Variants in RBFOX1 observed in about 807,000 individuals in gnomAD.
RBFOX1 encodes RNA binding fox-1 homolog 1, also known as RNA binding protein fox-1 homolog 1.
RBFOX1 carries 8 observed loss-of-function variants against 57.7 expected under a neutral mutation model. The ratio of observed to expected loss-of-function variants is 0.14; its 90% CI spans 0.08 to 0.25. RBFOX1 has a LOEUF of 0.25. Ranked by LOEUF, RBFOX1 falls within the 10% of genes least tolerant of loss-of-function variation. The pLI is 1.00. For missense variants in RBFOX1, 611 were observed against 548.5 expected, an observed-to-expected ratio of 1.11 and a Z score of -1.14; for synonymous variants, 326 against 222.4, an observed-to-expected ratio of 1.47 and a Z score of -4.15.
intron 4 of RBFOX1, among the ~76,000 whole-genome samples, chr16:5,996,335 A>AC (rs745810422): frequency 3.9e-5 from 6 of 151,998 alleles, no homozygotes; most frequent in Non-Finnish European, 8.8e-5. Context: ...CTGATTTGAA[A>AC]CCCATGAGAA....
chr16:6,116,076 A>G (rs1254524147), intron 1 of RBFOX1, among the ~76,000 whole-genome samples: 1 of 152,202 alleles, frequency 6.6e-6, no homozygotes, highest in African/African-American at 2.4e-5. Context: ...TACACCATAG[A>G]ATGCTATGCA....
chr16:6,801,330 A>G (rs2085392221), intron 3 of RBFOX1, among the ~76,000 whole-genome samples: 2 of 152,184 alleles, frequency 1.3e-5, no homozygotes, highest in Admixed American at 1.3e-4. Context: ...AGAACCATAC[A>G]AGGCTCTTGG....
intron 1 of RBFOX1, among the ~76,000 whole-genome samples, chr16:6,282,685 C>G (rs1459248205): frequency 1.3e-5 from 2 of 152,052 alleles, no homozygotes; most frequent in Non-Finnish European, 1.5e-5. Flanking sequence ...TGGTTTCCAG[C>G]TTCATCCATG....
intron 2 of RBFOX1, among the ~76,000 whole-genome samples, chr16:6,452,857 G>T (rs1008581): frequency 6.6e-6 from 1 of 152,004 alleles, no homozygotes; most frequent in African/African-American, 2.4e-5. Context: ...CCCTAGGGGG[G>T]TCCTGAGTAG....
chr16:6,563,080 C>T (rs1433246766), intron 2 of RBFOX1, among the ~76,000 whole-genome samples: 2 of 151,914 alleles, frequency 1.3e-5, no homozygotes, highest in African/African-American at 4.8e-5. Context: ...ATGGAGTATA[C>T]TCACTTCTTC....
chr16:5,733,898 A>G (rs138453933), intron 3 of RBFOX1, among the ~76,000 whole-genome samples: 2 of 151,824 alleles, frequency 1.3e-5, no homozygotes, highest in East Asian at 3.9e-4. Flanking sequence ...GCTGCTGAGG[A>G]CATCTATTCT....
chr16:6,653,353 C>T (rs997471495), intron 2 of RBFOX1, among the ~76,000 whole-genome samples: 1 of 152,152 alleles, frequency 6.6e-6, no homozygotes, highest in Non-Finnish European at 1.5e-5. Context: ...CCAGGGCGGG[C>T]CTGCCATGTG....
Position 6,037,244 on chromosome 16 carries a change from A to G in RBFOX1, c.-127+17252A>G, listed in dbSNP as rs569872458. On this transcript the variant is annotated intron_variant, in intron 1 of 15. Transcript: ENST00000550418. Reference sequence around the variant, plus strand: ...AAAACCACAACAGTAATGTTTTCTTAAAACATTGAATTGAGTCCCGCTTAA... The same window carrying G: ...AAAACCACAACAGTAATGTTTTCTTGAAACATTGAATTGAGTCCCGCTTAA... The G allele has an allele frequency of 2.6e-5, 4 of 152,254 alleles. 1 individual carries two copies. The highest frequency in any genetic ancestry group is 9.6e-5 in the African/African-American group (4 of 41,562). The allele number at this position is 152,254 out of a possible 1,614,324, so 9.4% of individuals were successfully genotyped here. A position where few individuals can be genotyped will look rare whatever the true frequency, so the allele number is the denominator to read the frequency against.
chr16:6,875,738 C>A (rs760676990), intron 3 of RBFOX1, among the ~76,000 whole-genome samples: 1 of 152,160 alleles, frequency 6.6e-6, no homozygotes, highest in Non-Finnish European at 1.5e-5. Flanking sequence ...GGCATGGTGG[C>A]CCATGCCTGT....
chr16:6,903,357 T>G (rs908197538), intron 3 of RBFOX1, among the ~76,000 whole-genome samples: 3 of 152,180 alleles, frequency 2.0e-5, no homozygotes, highest in African/African-American at 7.2e-5. Flanking sequence ...AAAGCAAGAA[T>G]GATGGGAAAC....
At chr16:6,853,433 G>A (rs1428334946) in intron 3 of RBFOX1, among the ~76,000 whole-genome samples, 7 of 152,102 alleles carry the variant, frequency 4.6e-5, no homozygotes, top group Non-Finnish European at 1.0e-4. Flanking sequence ...CCAGCCATTG[G>A]GCTTCCTGGT....
intron 2 of RBFOX1, among the ~76,000 whole-genome samples, chr16:6,418,640 C>G (rs1244799535): frequency 2.0e-5 from 3 of 149,712 alleles, no homozygotes; most frequent in African/African-American, 4.9e-5. Context: ...CCTCCTACAT[C>G]AGCCTTCTAA....
At chr16:5,285,446 A>G (rs1034206337) in intron 1 of RBFOX1, among the ~76,000 whole-genome samples, 38 of 151,952 alleles carry the variant, frequency 2.5e-4, no homozygotes, top group African/African-American at 8.2e-4. Flanking sequence ...TTTTTCAGGC[A>G]TTTCATAGAT....
At chr16:6,122,762 G>C (rs933268379) in intron 1 of RBFOX1, among the ~76,000 whole-genome samples, 1 of 151,380 alleles carries the variant, frequency 6.6e-6, no homozygotes, top group Admixed American at 6.6e-5. Flanking sequence ...CATCCATTCT[G>C]CTGGGTTGCG....
intron 11 of RBFOX1, among the ~76,000 whole-genome samples, chr16:7,646,626 G>T (rs927726970): frequency 2.6e-5 from 4 of 152,266 alleles, no homozygotes; most frequent in Non-Finnish European, 5.9e-5. Context: ...TCAAACCAGT[G>T]CACAAATGCA....
intron 2 of RBFOX1, among the ~76,000 whole-genome samples, chr16:6,515,235 G>A (rs1015226404): frequency 1.3e-5 from 2 of 152,080 alleles, no homozygotes; most frequent in Non-Finnish European, 2.9e-5. Context: ...TCTAGATAAG[G>A]ATGCTGAGCA....
At chr16:6,242,973 C>T (rs2097548019) in intron 1 of RBFOX1, among the ~76,000 whole-genome samples, 1 of 152,096 alleles carries the variant, frequency 6.6e-6, no homozygotes, top group South Asian at 2.1e-4. Context: ...GTTTTGTTTT[C>T]TTTCTAGAGA....
chr16:6,953,109 C>T (rs1265099343), intron 3 of RBFOX1, among the ~76,000 whole-genome samples: 1 of 152,144 alleles, frequency 6.6e-6, no homozygotes, highest in Admixed American at 6.6e-5. Flanking sequence ...GCTTGAAGGT[C>T]TGCGACTGAG....
intron 2 of RBFOX1, among the ~76,000 whole-genome samples, chr16:6,593,223 C>G (rs2097737698): frequency 6.6e-6 from 1 of 152,098 alleles, no homozygotes; most frequent in Non-Finnish European, 1.5e-5. Context: ...GAGTGGAGAT[C>G]ACCCTCTTCC....
Sources: gnomAD v4.1 joint callset for allele counts (sites outside exome capture counted in the v4.1 genomes callset) on GRCh38, gnomAD v4.1.1 for gene constraint, MANE v1.5 for transcripts, NCBI Gene and HGNC (gene_info 2026-07-23, HGNC 2026-07-21) for gene names.